The following PRKX variants were observed in gnomAD, a reference collection of about 807,000 sequenced individuals.
PRKX encodes cAMP-dependent protein kinase catalytic subunit PRKX.
In PRKX, 12 loss-of-function variants were observed where a neutral mutation model predicts 22.0. The observed-to-expected ratio is 0.54, with a 90% confidence interval of 0.35 to 0.88. The LOEUF (loss-of-function observed/expected upper bound fraction) is 0.88, where lower values mean the gene tolerates loss of function less well. Among genes scored for constraint, PRKX ranks in the 40% least tolerant of loss-of-function variants. The pLI is 0.01. For synonymous variants in PRKX, 134 were observed against 137.7 expected, an observed-to-expected ratio of 0.97 and a Z score of 0.19; for missense variants, 217 against 308.0, an observed-to-expected ratio of 0.70 and a Z score of 2.21.
chrX:3,654,055 T>C (rs1196371487), intron 3 of PRKX, among the ~76,000 whole-genome samples: 4 of 83,119 alleles, frequency 4.8e-5, no homozygotes, highest in East Asian at 3.4e-4. Context: ...ATATATATTA[T>C]ATAGTATAAT....
At chrX:3,642,327 CGAGATCAT>C (rs1341913982) in intron 3 of PRKX, among the ~76,000 whole-genome samples, 2 of 110,302 alleles carry the variant, frequency 1.8e-5, no homozygotes, top group African/African-American at 6.6e-5. Context: ...GGAAAAAGAA[CGAGATCAT>C]GTCCTCTGCA....
chrX:3,620,854 T>C (rs998523912), intron 6 of PRKX, among the ~76,000 whole-genome samples: 1 of 111,985 alleles, frequency 8.9e-6, no homozygotes, highest in African/African-American at 3.2e-5. Context: ...TACATAATCG[T>C]GTGTATACTA....
intron 1 of PRKX, among the ~76,000 whole-genome samples, chrX:3,687,913 C>A (rs1181018090): frequency 1.8e-5 from 2 of 111,942 alleles, no homozygotes; most frequent in Non-Finnish European, 3.8e-5. Flanking sequence ...ATGGAAAATA[C>A]ACTTCAAAAA....
rs1337919810 is a variant in PRKX at position 3,608,866 on chromosome X, T to C, written c.*103A>G. 8.9e-6 allele frequency: 1 copy of C among 112,072 alleles called. No homozygotes were observed. The highest frequency in any genetic ancestry group is 1.9e-5 in the Non-Finnish European group (1 of 53,225). The allele number at this position is 112,072 out of a possible 1,213,427, so 9.2% of individuals were successfully genotyped here. On this transcript the variant is annotated 3_prime_UTR_variant, in exon 9 of 9. Coordinates refer to ENST00000262848, the MANE Select transcript of PRKX (RefSeq NM_005044.5). ...GTACAGAGAAAAGTGGAGATGTCCT[T>C]ATGCCGTGAAGAAGACATTTTGCTT...
intron 6 of PRKX, among the ~76,000 whole-genome samples, chrX:3,620,937 A>C (rs1319498098): frequency 9.0e-6 from 1 of 111,670 alleles, no homozygotes; most frequent in Non-Finnish European, 1.9e-5. Flanking sequence ...AAAACTGTTT[A>C]AAAAATAAAA....
rs1569054438 is a variant in PRKX, at chrX:3,663,469, A to ACACACACACACACACACAC, written c.336-8058_336-8057insGTGTGTGTGTGTGTGTGTG. Among the ~76,000 whole-genome samples, 20 of 52,848 alleles carry ACACACACACACACACACAC rather than the reference A, an allele frequency of 3.8e-4. 1 individual carries two copies. The highest frequency in any genetic ancestry group is 0.015 in the Middle Eastern group (1 of 65). 45.9% of individuals were successfully genotyped at this position (52,848 alleles called of 115,157 possible). A position where few individuals can be genotyped will look rare whatever the true frequency, so the allele number is the denominator to read the frequency against. ...ACACACACACACACACACACACACA[A>ACACACACACACACACACAC]AAAAATTCAATTAGCTGGACATAGT... On this transcript the variant is annotated intron_variant, in intron 2 of 8. Coordinates refer to ENST00000262848, the MANE Select transcript of PRKX (RefSeq NM_005044.5).
chrX:3,624,965 T>C (rs1056925948), intron 5 of PRKX, among the ~76,000 whole-genome samples: 2 of 111,035 alleles, frequency 1.8e-5, no homozygotes, highest in African/African-American at 6.5e-5. Flanking sequence ...CCACTTAATA[T>C]AATGTCACTC....
At chrX:3,632,682 A>T in intron 4 of PRKX, among the ~76,000 whole-genome samples, 1 of 111,461 alleles carries the variant, frequency 9.0e-6, no homozygotes, top group East Asian at 2.8e-4. Flanking sequence ...AAGCAGAGAC[A>T]GTGTGTGTGT....
intron 1 of PRKX, among the ~76,000 whole-genome samples, chrX:3,702,397 A>AT (rs1456644233): frequency 9.7e-5 from 11 of 113,056 alleles, no homozygotes; most frequent in Non-Finnish European, 3.7e-5. Context: ...GTTGTCAACG[A>AT]TTTTAAAAGA....
chrX:3,671,719 G>A (rs772636477), intron 2 of PRKX, among the ~76,000 whole-genome samples: 1 of 111,539 alleles, frequency 9.0e-6, no homozygotes, highest in African/African-American at 3.3e-5. Flanking sequence ...CAGGCACGGT[G>A]GCTCACATCT....
intron 1 of PRKX, among the ~76,000 whole-genome samples, chrX:3,677,458 T>C (rs189649418): frequency 9.3e-6 from 1 of 107,720 alleles, no homozygotes; most frequent in East Asian, 2.9e-4. Context: ...GCCCAAATAG[T>C]TGGGACTACA....
intron 1 of PRKX, among the ~76,000 whole-genome samples, chrX:3,695,850 G>C (rs11152542): frequency 0.43 from 48,019 of 110,713 alleles, 8,193 homozygotes; most frequent in African/African-American, 0.61. Flanking sequence ...ATCAGAAAGA[G>C]TGCCTCAGGT....
chrX:3,629,416 T>G, intron 4 of PRKX, among the ~76,000 whole-genome samples: 2 of 101,676 alleles, frequency 2.0e-5, no homozygotes, highest in Admixed American at 1.1e-4. Context: ...AGGGTTTTGT[T>G]TTTTTTTTTT....
chrX:3,688,872 T>TA (rs745658329), intron 1 of PRKX, among the ~76,000 whole-genome samples: 3,040 of 90,863 alleles, frequency 0.033, 59 homozygotes, highest in Admixed American at 0.079. Flanking sequence ...CCCATCTGTT[T>TA]AAAAAAAAAA....
chrX:3,648,389 GT>G (rs374906658), intron 3 of PRKX, among the ~76,000 whole-genome samples: 76 of 103,112 alleles, frequency 7.4e-4, no homozygotes, highest in Non-Finnish European at 8.6e-4. Context: ...CCCAGGCTGG[GT>G]TTTTTTTTTT....
chrX:3,605,140 CGTTT>C lies in PRKX; in HGVS notation c.*3825_*3828del, dbSNP rs1926140495. The C allele has an allele frequency of 9.1e-6, 1 of 110,158 alleles. No homozygotes were observed. The highest frequency in any genetic ancestry group is 3.3e-5 in the African/African-American group (1 of 30,223). The allele number at this position is 110,158 out of a possible 1,213,427, so 9.1% of individuals were successfully genotyped here. On this transcript the variant is annotated 3_prime_UTR_variant, in exon 9 of 9. Transcript: ENST00000262848. ...TTGCTTTTGTTAAGTGAATCCCATC[CGTTT>C]AAGTTAGACTAATTAGAAGGCCTGC...
At chrX:3,672,151 C>T (rs1202752403) in intron 2 of PRKX, among the ~76,000 whole-genome samples, 2 of 110,502 alleles carry the variant, frequency 1.8e-5, no homozygotes, top group Non-Finnish European at 3.8e-5. Flanking sequence ...GCTGTGATTG[C>T]ACCATTGCAC....
chrX:3,664,631 A>AC (rs1927682549), intron 2 of PRKX, among the ~76,000 whole-genome samples: 1 of 112,326 alleles, frequency 8.9e-6, no homozygotes, highest in African/African-American at 3.2e-5. Context: ...TATCGACACC[A>AC]CCATAAAAAA....
chrX:3,664,590 T>G (rs1927681179), intron 2 of PRKX, among the ~76,000 whole-genome samples: 1 of 112,188 alleles, frequency 8.9e-6, no homozygotes, highest in African/African-American at 3.2e-5. Context: ...TAAAGAAAAT[T>G]TAGTATATAA....
Sources: allele counts gnomAD v4.1 joint callset (sites outside exome capture counted in the v4.1 genomes callset), GRCh38; gene constraint gnomAD v4.1.1; transcripts MANE v1.5; gene names NCBI Gene and HGNC (gene_info 2026-07-23, HGNC 2026-07-21).